The following LAPTM5 variants were observed in gnomAD, a reference collection of about 807,000 sequenced individuals.
LAPTM5 encodes the protein lysosomal protein transmembrane 5.
A neutral mutation model predicts 30.1 loss-of-function variants in LAPTM5; 11 were observed. That is an observed-to-expected ratio of 0.37 (90% CI 0.23 to 0.60). LAPTM5 has a LOEUF of 0.60. Ranked by LOEUF, LAPTM5 falls within the 20% of genes least tolerant of loss-of-function variation. LAPTM5 has a pLI of 0.71. For synonymous variants in LAPTM5, 151 were observed against 137.9 expected (o/e 1.10, Z -0.67); for missense variants, 324 against 332.5 (o/e 0.97, Z 0.20).
At chr1:30,742,664 T>C in intron 1 of LAPTM5, 115 bp from the exon 2 acceptor site, 1 of 774,742 alleles carries the variant, frequency 1.3e-6, no homozygotes, top group South Asian at 1.5e-5. Flanking sequence ...CTGGAGCAGA[T>C]GGCATGCCAG....
chr1:30,749,064 T>G (rs1037628703), intron 1 of LAPTM5, among the ~76,000 whole-genome samples: 4 of 152,252 alleles, frequency 2.6e-5, no homozygotes, highest in African/African-American at 9.6e-5. Context: ...ATGGCTGCCT[T>G]ATTTGTAACA....
intron 1 of LAPTM5, among the ~76,000 whole-genome samples, chr1:30,757,456 C>T (rs553789022): frequency 5.3e-5 from 8 of 152,196 alleles, no homozygotes; most frequent in South Asian, 2.1e-4. Context: ...CTCACTCTTG[C>T]GGCATCTCCC....
chr1:30,753,117 C>G (rs1202318728), intron 1 of LAPTM5, among the ~76,000 whole-genome samples: 1 of 151,494 alleles, frequency 6.6e-6, no homozygotes, highest in African/African-American at 2.4e-5. Context: ...AAGTAGTATA[C>G]TTGAGCCACA....
In LAPTM5 at chr1:30,733,643, T is replaced by C. The variant is rs1375440238; in HGVS notation, c.*185A>G. The C allele has an allele frequency of 2.0e-6, 3 of 1,533,462 alleles. No individual in the cohort carries two copies. The highest frequency in any genetic ancestry group is 2.6e-6 in the Non-Finnish European group (3 of 1,145,994). The allele number at this position is 1,533,462 out of a possible 1,614,324, so 95.0% of individuals were successfully genotyped here. ...CGAGGAGTGACTCAGCCTAAAGCGT[T>C]GACCCAGTTGTGAGCAGCTCACAGG... On this transcript the variant is annotated 3_prime_UTR_variant, in exon 8 of 8. Transcript: ENST00000294507.
intron 3 of LAPTM5, among the ~76,000 whole-genome samples, chr1:30,740,794 C>T (rs1048597021): frequency 2.6e-5 from 4 of 152,158 alleles, no homozygotes; most frequent in Non-Finnish European, 5.9e-5. Flanking sequence ...GCATGGGTTC[C>T]AAGACAGAGT....
intron 6 of LAPTM5, among the ~76,000 whole-genome samples, chr1:30,735,477 C>G (rs1386665625): frequency 6.6e-6 from 1 of 152,204 alleles, no homozygotes; most frequent in Non-Finnish European, 1.5e-5. Flanking sequence ...ACAGATACCA[C>G]ATAGCAAGGG....
At chr1:30,738,919 G>A (rs1245682127) in intron 5 of LAPTM5, 21 bp downstream of exon 5, 2 of 1,590,626 alleles carry the variant, frequency 1.3e-6, no homozygotes, top group Non-Finnish European at 1.7e-6. Context: ...AAATGGGCAT[G>A]GTTCCCTGCC....
In LAPTM5 at chr1:30,732,754, A is replaced by C. The variant is rs565678419; in HGVS notation, c.*1074T>G. 2.6e-5 allele frequency: 4 copies of C among 152,296 alleles called. No homozygotes were observed. The South Asian group carries it at 8.3e-4, about 32-fold the overall frequency. 9.4% of individuals were successfully genotyped at this position (152,296 alleles called of 1,614,324 possible). A position where few individuals can be genotyped will look rare whatever the true frequency, so the allele number is the denominator to read the frequency against. ...GCCCACAAGGGGGTTGCCTGCTTTG[A>C]CTGAACTAACCTGTGGGTTTAGTCC... On this transcript the variant is annotated 3_prime_UTR_variant, in exon 8 of 8. Transcript: ENST00000294507.
chr1:30,745,018 G>A (rs11586021), intron 1 of LAPTM5, among the ~76,000 whole-genome samples: 1 of 151,986 alleles, frequency 6.6e-6, no homozygotes, highest in Non-Finnish European at 1.5e-5. Flanking sequence ...GGTCACCTTG[G>A]ACATTACCCG....
At chr1:30,748,557 C>T (rs937604151) in intron 1 of LAPTM5, among the ~76,000 whole-genome samples, 3 of 152,212 alleles carry the variant, frequency 2.0e-5, no homozygotes, top group African/African-American at 4.8e-5. Flanking sequence ...AGGAAGCTCC[C>T]CTTCCCCACC....
Position 30,742,470 on chromosome 1 carries a change from C to A in LAPTM5, c.167G>T (p.Gly56Val). The change falls in exon 2 of 8, where the codon GGC (glycine) becomes GTC (valine). Residue 56 changes from glycine to valine, a missense_variant. Physicochemically the swap from Gly to Val is moderately radical, Grantham distance 109. Transcript: ENST00000294507. ...GKASCKLSQM[G>V]YLRIADLISS... The stretch of plus-strand genomic sequence containing the variant: ...CCTGGACCTACCGATCCTGAGGTAG[C>A]CCATCTGGGAGAGCTTGCAGGACGC... The A allele has an allele frequency of 6.2e-7, 1 of 1,613,030 alleles. No homozygotes were observed. Among genetic ancestry groups the A allele is most frequent in the Non-Finnish European group, 8.5e-7 (1 of 1,179,576 alleles).
chr1:30,745,213 T>C (rs1038581810), intron 1 of LAPTM5, among the ~76,000 whole-genome samples: 1 of 152,220 alleles, frequency 6.6e-6, no homozygotes, highest in African/African-American at 2.4e-5. Context: ...AATACTTTCC[T>C]TCCCATTTCA....
At position 30,733,807 on chromosome 1, in the gene LAPTM5, G is replaced by C. The variant is rs768222910; in HGVS notation, c.*21C>G. ...AGGCAGCTCCACCCCTCCCAGCACT[G>C]GGGCTGGGGCCTGGCGAGGGTCACA... On this transcript the variant is annotated 3_prime_UTR_variant, in exon 8 of 8. Coordinates refer to ENST00000294507, the MANE Select transcript of LAPTM5 (RefSeq NM_006762.3). The C allele has an allele frequency of 8.6e-5, 138 of 1,597,394 alleles. No homozygotes were observed. The highest frequency in any genetic ancestry group is 7.9e-4 in the Admixed American group (44 of 55,488).
At position 30,733,907 on chromosome 1, in the gene LAPTM5, G is replaced by A. The variant is rs147666160; in HGVS notation, c.710C>T (p.Pro237Leu). The A allele has an allele frequency of 8.8e-5, 141 of 1,611,198 alleles. No individual in the cohort carries two copies. Among genetic ancestry groups the A allele is most frequent in the Non-Finnish European group, 1.0e-4 (122 of 1,179,380 alleles). ...NSKMLQKVVL[P>L]SYEEALSLPS... The stretch of plus-strand genomic sequence containing the variant: ...CAAAGACAGGGCTTCCTCGTAGGAC[G>A]GCAGGACCACCTGGGAGAGACAGAG... Residue 237 changes from proline (P) to leucine (L), a missense_variant, in exon 8 of 8, where the codon CCG becomes CTG. By Grantham distance (98) the Pro-to-Leu change is moderately conservative (BLOSUM62 -3). Transcript: ENST00000294507.
intron 6 of LAPTM5, 82 bp from the exon 7 acceptor site, chr1:30,735,347 G>A: frequency 9.1e-7 from 1 of 1,100,270 alleles, no homozygotes. Flanking sequence ...TGCCAGGCAG[G>A]AGCCACCACT....
At chr1:30,738,719 C>T (rs1325734398) in intron 5 of LAPTM5, among the ~76,000 whole-genome samples, 1 of 152,358 alleles carries the variant, frequency 6.6e-6, no homozygotes, top group Middle Eastern at 3.4e-3. Flanking sequence ...CACATCTTTG[C>T]TTCTTTGCTT....
Position 30,757,680 on chromosome 1 carries a change from G to A in LAPTM5, c.66C>T (p.Thr22=), listed in dbSNP as rs147313891. The change falls in exon 1 of 8, where the codon ACC becomes ACT. Residue 22 remains threonine (T), a synonymous_variant. Transcript: ENST00000294507. ...CCCFNVRIAT[T]ALAIYHVIMS... ...TCACCACATGGTAGATGGCCAGGGC[G>A]GTGGTTGCGATGCGGACATTGAAGC... 219 of 1,613,822 alleles carry A rather than the reference G, an allele frequency of 1.4e-4. 2 individuals are homozygous for A. Among genetic ancestry groups the A allele is most frequent in the African/African-American group, 1.2e-3 (88 of 75,036 alleles).
intron 2 of LAPTM5, chr1:30,742,102 G>T: frequency 2.6e-6 from 1 of 385,132 alleles, no homozygotes; most frequent in South Asian, 2.8e-5. Context: ...TGCTGTCAGA[G>T]AGGTGGGCAG....
chr1:30,737,502 G>A (rs1639904966), intron 6 of LAPTM5, 102 bp downstream of exon 6: 2 of 752,586 alleles, frequency 2.7e-6, no homozygotes, highest in East Asian at 5.3e-5. Flanking sequence ...AGGAGGCATG[G>A]AGGACACATG....
Sources: gnomAD v4.1 joint callset for allele counts (sites outside exome capture counted in the v4.1 genomes callset) on GRCh38, gnomAD v4.1.1 for gene constraint, MANE v1.5 for transcripts, NCBI Gene and HGNC (gene_info 2026-07-23, HGNC 2026-07-21) for gene names.